The following PRR5L variants were observed in gnomAD, a reference collection of about 807,000 sequenced individuals.
PRR5L encodes the protein proline-rich protein 5-like.
PRR5L carries 21 observed loss-of-function variants against 36.4 expected under a neutral mutation model. The observed-to-expected ratio is 0.58, with a 90% CI of 0.41 to 0.83. The LOEUF (loss-of-function observed/expected upper bound fraction) is 0.83. PRR5L is among the 40% of genes least tolerant of loss of function. The probability of loss-of-function intolerance (pLI) is 0.00; values close to 1 mark genes in which losing one functional copy is unlikely to be tolerated. For missense variants in PRR5L, 381 were observed against 473.3 expected (o/e 0.80, Z 1.81); for synonymous variants, 188 against 197.0 (o/e 0.95, Z 0.38).
chr11:36,357,875 T>TAATA, intron 1 of PRR5L, among the ~76,000 whole-genome samples: 1 of 152,388 alleles, frequency 6.6e-6, no homozygotes, highest in Non-Finnish European at 1.5e-5. Context: ...CAAGTCTTAT[T>TAATA]ATTTAAGAAA....
intron 1 of PRR5L, among the ~76,000 whole-genome samples, chr11:36,314,646 C>A (rs960052894): frequency 6.6e-6 from 1 of 152,176 alleles, no homozygotes; most frequent in Non-Finnish European, 1.5e-5. Context: ...TTTTAGTAAG[C>A]GGAGCTGTTT....
chr11:36,401,326 G>C lies in PRR5L; in HGVS notation c.164+41G>C, dbSNP rs1724087902. On this transcript the variant is annotated intron_variant, in intron 2 of 8. Transcript: ENST00000530639. ...GGATGTGGGGTGGAGGGCTGCCAAG[G>C]GCCATGGCAGGGAGGGAGGCATCCG... 3 of 1,589,142 alleles carry C rather than the reference G, an allele frequency of 1.9e-6. No homozygotes were observed. In the South Asian group the frequency reaches 3.3e-5, roughly 18 times the overall value.
At chr11:36,345,155 G>A (rs1251139072) in intron 1 of PRR5L, among the ~76,000 whole-genome samples, 3 of 152,080 alleles carry the variant, frequency 2.0e-5, no homozygotes, top group Non-Finnish European at 4.4e-5. Flanking sequence ...TTCTGCACCC[G>A]GTGAGAGGTG....
intron 3 of PRR5L, among the ~76,000 whole-genome samples, chr11:36,408,888 G>A (rs138520225): frequency 6.6e-6 from 1 of 152,108 alleles, no homozygotes; most frequent in Non-Finnish European, 1.5e-5. Context: ...TGAGTGTTGG[G>A]GTGTGTGTGT....
At chr11:36,376,320 AG>A in intron 1 of PRR5L, 1 of 784,588 alleles carries the variant, frequency 1.3e-6, no homozygotes, top group South Asian at 4.1e-5. Context: ...AGAGGGGAGG[AG>A]GGGGAGAAGG....
rs1421429394 is a variant in PRR5L at position 36,384,121 on chromosome 11, T to G, written c.-125-16876T>G. Among the ~76,000 whole-genome samples, 4 of 152,360 alleles carry G rather than the reference T, an allele frequency of 2.6e-5. No homozygotes were observed. The East Asian group carries it at 7.7e-4, about 29-fold the overall frequency. On this transcript the variant is annotated intron_variant, in intron 1 of 8. Coordinates refer to ENST00000530639, the MANE Select transcript of PRR5L (RefSeq NM_001160167.2). The stretch of plus-strand genomic sequence containing the variant: ...ACCTGGTCTTTCATAGTTAACACCT[T>G]GGATACACCTTGAACTTTTAAAGCT...
intron 1 of PRR5L, among the ~76,000 whole-genome samples, chr11:36,389,656 A>G (rs1037259622): frequency 1.7e-4 from 22 of 131,762 alleles, no homozygotes; most frequent in African/African-American, 6.5e-4. Flanking sequence ...CTTGTCACCC[A>G]GGCTGGAGTG....
intron 8 of PRR5L, among the ~76,000 whole-genome samples, chr11:36,455,936 C>T (rs1859048641): frequency 6.6e-6 from 1 of 152,196 alleles, no homozygotes; most frequent in Admixed American, 6.5e-5. Flanking sequence ...TCTGCCCACA[C>T]CCAATCTTGG....
chr11:36,457,960 G>A (rs1345100160), intron 8 of PRR5L, among the ~76,000 whole-genome samples: 1 of 152,156 alleles, frequency 6.6e-6, no homozygotes, highest in East Asian at 1.9e-4. Context: ...GAACTCTTCT[G>A]GTGCTTCTGT....
intron 1 of PRR5L, among the ~76,000 whole-genome samples, chr11:36,384,862 G>A (rs1022085437): frequency 1.7e-4 from 26 of 150,000 alleles, no homozygotes; most frequent in Non-Finnish European, 3.1e-4. Flanking sequence ...TTAGAGTTGG[G>A]ATCTGGCTAG....
intron 2 of PRR5L, among the ~76,000 whole-genome samples, chr11:36,402,916 A>C (rs961325895): frequency 6.6e-6 from 1 of 152,244 alleles, no homozygotes; most frequent in African/African-American, 2.4e-5. Context: ...CCCTGTGAAG[A>C]CAGTGGCTGT....
chr11:36,347,902 C>T (rs966173006), intron 1 of PRR5L, among the ~76,000 whole-genome samples: 6 of 152,024 alleles, frequency 3.9e-5, no homozygotes, highest in Non-Finnish European at 7.4e-5. Flanking sequence ...GGTTTTGCAA[C>T]CCTGGAAAAG....
chr11:36,337,398 C>T (rs146238228), intron 1 of PRR5L, among the ~76,000 whole-genome samples: 137 of 151,016 alleles, frequency 9.1e-4, no homozygotes, highest in Non-Finnish European at 1.7e-3. Flanking sequence ...CACCATCTAG[C>T]CCTCTAACAT....
At chr11:36,394,242 G>A (rs1857614216) in intron 1 of PRR5L, among the ~76,000 whole-genome samples, 1 of 152,210 alleles carries the variant, frequency 6.6e-6, no homozygotes, top group African/African-American at 2.4e-5. Flanking sequence ...AGGAAGTGGT[G>A]ACACCAGCCT....
At chr11:36,306,662 C>T (rs111776649) in intron 1 of PRR5L, among the ~76,000 whole-genome samples, 1 of 152,026 alleles carries the variant, frequency 6.6e-6, no homozygotes, top group African/African-American at 2.4e-5. Context: ...TGCAAAGTTG[C>T]CTTCTAATAA....
chr11:36,454,317 G>A lies in PRR5L; in HGVS notation c.712+2982G>A, dbSNP rs572254655. Among the ~76,000 whole-genome samples, 15 of 152,264 alleles carry A rather than the reference G, an allele frequency of 9.9e-5. No homozygotes were observed. The East Asian group carries it at 2.9e-3, about 29-fold the overall frequency. On this transcript the variant is annotated intron_variant, in intron 8 of 8. Coordinates refer to ENST00000530639, the MANE Select transcript of PRR5L (RefSeq NM_001160167.2). ...TCTCTGGATACTAAGAAGCTAAAAT[G>A]GTCACAGCAGTGCCCATCCTGACTG...
At chr11:36,445,252 C>T (rs1374802062) in intron 6 of PRR5L, among the ~76,000 whole-genome samples, 2 of 152,120 alleles carry the variant, frequency 1.3e-5, no homozygotes, top group African/African-American at 2.4e-5. Flanking sequence ...TTGGTTCTAC[C>T]AGGAACAACC....
intron 1 of PRR5L, among the ~76,000 whole-genome samples, chr11:36,335,317 G>A (rs377111417): frequency 5.3e-5 from 8 of 152,040 alleles, no homozygotes; most frequent in Admixed American, 3.9e-4. Flanking sequence ...TGCCTGCCTC[G>A]ACCTCCCAAA....
chr11:36,382,287 A>G (rs1308837520), intron 1 of PRR5L, among the ~76,000 whole-genome samples: 1 of 152,214 alleles, frequency 6.6e-6, no homozygotes, highest in Non-Finnish European at 1.5e-5. Flanking sequence ...GAGATCTGGA[A>G]TCTGATCTCA....
Sources: gnomAD v4.1 joint callset for allele counts (sites outside exome capture counted in the v4.1 genomes callset) on GRCh38, gnomAD v4.1.1 for gene constraint, MANE v1.5 for transcripts, NCBI Gene and HGNC (gene_info 2026-07-23, HGNC 2026-07-21) for gene names.